ENTPD1: variants seen among roughly 807,000 people sequenced by gnomAD.
ENTPD1 encodes ectonucleoside triphosphate diphosphohydrolase 1, also known as ATP diphosphohydrolase.
A neutral mutation model predicts 57.0 loss-of-function variants in ENTPD1; 33 were observed. The observed-to-expected ratio is 0.58, with a 90% CI of 0.44 to 0.77. The LOEUF (loss-of-function observed/expected upper bound fraction) is 0.77. Among genes scored for constraint, ENTPD1 ranks in the 30% least tolerant of loss-of-function variants. ENTPD1 has a pLI of 0.00. For missense variants in ENTPD1, 501 were observed against 603.4 expected (o/e 0.83, Z 1.78); for synonymous variants, 202 against 218.8 (o/e 0.92, Z 0.68).
chr10:95,868,056 T>C lies in ENTPD1; in HGVS notation c.*1673T>C, dbSNP rs1050708086. Reference sequence around the variant, plus strand: ...TGCTGTTGGTTGAGCATTTGTGGTGTACCACGCTGTGTGCTCAAGGGTATT... The same window carrying C: ...TGCTGTTGGTTGAGCATTTGTGGTGCACCACGCTGTGTGCTCAAGGGTATT... On this transcript the variant is annotated 3_prime_UTR_variant, in exon 10 of 10. Transcript: ENST00000371205. 4 of 984,834 alleles carry C rather than the reference T, an allele frequency of 4.1e-6. No homozygotes were observed. The African/African-American group carries it at 7.0e-5, about 17-fold the overall frequency. The allele number at this position is 984,834 out of a possible 1,614,324, so 61.0% of individuals were successfully genotyped here. A position where few individuals can be genotyped will look rare whatever the true frequency, so the allele number is the denominator to read the frequency against.
chr10:95,799,174 A>G (rs1268535418), intron 1 of ENTPD1, among the ~76,000 whole-genome samples: 1 of 152,212 alleles, frequency 6.6e-6, no homozygotes, highest in African/African-American at 2.4e-5. Flanking sequence ...TCAGGGGTAC[A>G]TGTGCAGGTC....
chr10:95,871,401 C>T lies in ENTPD1; in HGVS notation c.*5018C>T, dbSNP rs1281917590. ...TTAATCAGGATGCTGTGGCAGCTCC[C>T]ACATTAGCCTCGCATTCTAAACTGG... On this transcript the variant is annotated 3_prime_UTR_variant, in exon 10 of 10. Transcript: ENST00000371205. The T allele has an allele frequency of 1.0e-6, 1 of 985,304 alleles. No individual in the cohort carries two copies. Among genetic ancestry groups the T allele is most frequent in the Non-Finnish European group, 1.2e-6 (1 of 829,934 alleles). The allele number at this position is 985,304 out of a possible 1,614,324, so 61.0% of individuals were successfully genotyped here. A position where few individuals can be genotyped will look rare whatever the true frequency, so the allele number is the denominator to read the frequency against.
chr10:95,774,879 T>C (rs1367962711), intron 1 of ENTPD1, among the ~76,000 whole-genome samples: 1 of 152,238 alleles, frequency 6.6e-6, no homozygotes, highest in Non-Finnish European at 1.5e-5. Context: ...AAGTCATTGG[T>C]AGCTTGATGG....
chr10:95,773,941 C>G (rs1351396942), intron 1 of ENTPD1, among the ~76,000 whole-genome samples: 2 of 152,176 alleles, frequency 1.3e-5, no homozygotes, highest in African/African-American at 4.8e-5. Context: ...CTAGTTTACA[C>G]TCCCACCAAC....
chr10:95,859,114 T>C (rs146593270), intron 7 of ENTPD1, among the ~76,000 whole-genome samples: 1 of 152,198 alleles, frequency 6.6e-6, no homozygotes, highest in East Asian at 1.9e-4. Flanking sequence ...AAAGGACTAA[T>C]ATGCTCACAC....
At chr10:95,792,647 T>G (rs959705832) in intron 1 of ENTPD1, among the ~76,000 whole-genome samples, 1 of 152,298 alleles carries the variant, frequency 6.6e-6, no homozygotes, top group Admixed American at 6.5e-5. Flanking sequence ...CCTGATTTCA[T>G]GGAAGACCAG....
At chr10:95,810,415 TG>T (rs2098300214) in intron 1 of ENTPD1, among the ~76,000 whole-genome samples, 1 of 127,682 alleles carries the variant, frequency 7.8e-6, no homozygotes, top group African/African-American at 3.0e-5. Flanking sequence ...ACAGGGCGGC[TG>T]GGCAGAGGCG....
upstream of ENTPD1, among the ~76,000 whole-genome samples, chr10:95,752,827 G>A (rs1328781911): frequency 2.6e-5 from 4 of 152,054 alleles, no homozygotes; most frequent in Non-Finnish European, 5.9e-5. Flanking sequence ...CAATGCACCT[G>A]GCCCATATTA....
In ENTPD1 at chr10:95,867,894, A is replaced by C; in HGVS notation, c.*1511A>C. 1 of 985,492 alleles carries C rather than the reference A, an allele frequency of 1.0e-6. No homozygotes were observed. Among genetic ancestry groups the C allele is most frequent in the Non-Finnish European group, 1.2e-6 (1 of 829,932 alleles). 61.0% of individuals were successfully genotyped at this position (985,492 alleles called of 1,614,324 possible). ...ACATCCAGGTGAATATAAAAACTTA[A>C]TAAAGCTGTGGAAAGGAACTCTTAA... On this transcript the variant is annotated 3_prime_UTR_variant, in exon 10 of 10. Transcript: ENST00000371205.
chr10:95,705,636 C>T, the ENTPD1 span, among the ~76,000 whole-genome samples: 7 of 152,046 alleles, frequency 4.6e-5, no homozygotes, highest in Admixed American at 1.3e-4. Context: ...GGATTACAGG[C>T]GCCTGCCACC....
chr10:95,876,227 C>T lies in ENTPD1; in HGVS notation c.*9844C>T, dbSNP rs866624977. 3 of 976,400 alleles carry T rather than the reference C, an allele frequency of 3.1e-6. No individual in the cohort carries two copies. Among genetic ancestry groups the T allele is most frequent in the Non-Finnish European group, 3.6e-6 (3 of 821,962 alleles). 60.5% of individuals were successfully genotyped at this position (976,400 alleles called of 1,614,324 possible). On this transcript the variant is annotated 3_prime_UTR_variant, in exon 10 of 10. Coordinates refer to ENST00000371205, the MANE Select transcript of ENTPD1 (RefSeq NM_001776.6). ...ATACTCCTATAAAAATGTAAAGAAA[C>T]ACATAATGTAGATTGCTAATTTTAT...
chr10:95,845,723 A>G (rs1434310362), intron 6 of ENTPD1, 127 bp downstream of exon 6: 1 of 1,543,754 alleles, frequency 6.5e-7, no homozygotes, highest in East Asian at 2.3e-5. Flanking sequence ...AAACCTTTTT[A>G]GGCAGGATAT....
chr10:95,814,987 G>C (rs1431417748), intron 1 of ENTPD1, among the ~76,000 whole-genome samples: 1 of 151,804 alleles, frequency 6.6e-6, no homozygotes, highest in Non-Finnish European at 1.5e-5. Flanking sequence ...TTATCATTGA[G>C]ATCTTTAGGA....
At chr10:95,843,444 T>C (rs1253405343) in intron 4 of ENTPD1, 1 of 152,238 alleles carries the variant, frequency 6.6e-6, no homozygotes, top group Non-Finnish European at 1.5e-5. Context: ...AGCACTACGC[T>C]AAGCACTTAA....
intron 7 of ENTPD1, among the ~76,000 whole-genome samples, chr10:95,853,427 T>A (rs541752509): frequency 2.2e-4 from 34 of 152,300 alleles, no homozygotes; most frequent in African/African-American, 7.9e-4. Context: ...CTTTATTTCC[T>A]TCTCCTGCCT....
At chr10:95,830,117 C>A (rs1804887253) in intron 2 of ENTPD1, among the ~76,000 whole-genome samples, 1 of 152,022 alleles carries the variant, frequency 6.6e-6, no homozygotes, top group Non-Finnish European at 1.5e-5. Context: ...AATAAATTAC[C>A]CAGTATCAAG....
At chr10:95,709,922 T>C (rs2097964189), upstream of ENTPD1, among the ~76,000 whole-genome samples, 1 of 150,938 alleles carries the variant, frequency 6.6e-6, no homozygotes, top group Non-Finnish European at 1.5e-5. Flanking sequence ...ATTACAGGCA[T>C]GTGCCACCAC....
upstream of ENTPD1, among the ~76,000 whole-genome samples, chr10:95,707,602 G>GTTTGT (rs550031475): frequency 8.5e-5 from 13 of 152,160 alleles, no homozygotes; most frequent in Admixed American, 5.2e-4. Flanking sequence ...TTTGTTGTTT[G>GTTTGT]TTTGTTTTGT....
At chr10:95,717,206 TTTAA>T (rs1248442789) in intron 1 of ENTPD1, among the ~76,000 whole-genome samples, 1 of 152,244 alleles carries the variant, frequency 6.6e-6, no homozygotes. Context: ...AACTGTAAGC[TTTAA>T]GTAAGCTACA....
Sources: gnomAD v4.1 joint callset for allele counts (sites outside exome capture counted in the v4.1 genomes callset) on GRCh38, gnomAD v4.1.1 for gene constraint, MANE v1.5 for transcripts, NCBI Gene and HGNC (gene_info 2026-07-23, HGNC 2026-07-21) for gene names.